Variants in NALCN observed in about 807,000 individuals in gnomAD.
NALCN encodes the protein sodium leak channel, non-selective.
In NALCN, 111 loss-of-function variants were observed where a neutral mutation model predicts 225.3. The ratio of observed to expected loss-of-function variants is 0.49; its 90% CI spans 0.42 to 0.58. The LOEUF (loss-of-function observed/expected upper bound fraction) is 0.58, where lower values mean the gene tolerates loss of function less well. Among genes scored for constraint, NALCN ranks in the 20% least tolerant of loss-of-function variants. The probability of loss-of-function intolerance (pLI) is 0.00; values close to 1 mark genes in which losing one functional copy is unlikely to be tolerated. For missense variants in NALCN, 1,378 were observed against 2,202.4 expected (o/e 0.63, Z 7.49); for synonymous variants, 764 against 769.0 (o/e 0.99, Z 0.11).
intron 13 of NALCN, among the ~76,000 whole-genome samples, chr13:101,205,382 A>T (rs1047685853): frequency 4.6e-5 from 7 of 151,968 alleles, no homozygotes; most frequent in Non-Finnish European, 1.0e-4. Flanking sequence ...TATTTTAATA[A>T]TAAAAATATT....
At chr13:101,253,663 T>C (rs1252362447) in intron 11 of NALCN, among the ~76,000 whole-genome samples, 3 of 152,336 alleles carry the variant, frequency 2.0e-5, no homozygotes, top group East Asian at 3.9e-4. Flanking sequence ...TTTTAAATAA[T>C]TGAATATAAT....
intron 13 of NALCN, among the ~76,000 whole-genome samples, chr13:101,205,494 TC>T (rs2040276580): frequency 6.6e-6 from 1 of 152,142 alleles, no homozygotes; most frequent in Admixed American, 6.6e-5. Flanking sequence ...TGACAATCTT[TC>T]TTGCAGAGCA....
At chr13:101,314,055 G>C (rs534545895) in intron 7 of NALCN, among the ~76,000 whole-genome samples, 1 of 150,414 alleles carries the variant, frequency 6.6e-6, no homozygotes, top group Non-Finnish European at 1.5e-5. Context: ...GCAAACTATC[G>C]CAAGGACAAA....
intron 13 of NALCN, among the ~76,000 whole-genome samples, chr13:101,204,113 G>A (rs953376228): frequency 2.0e-5 from 3 of 152,174 alleles, no homozygotes; most frequent in Non-Finnish European, 4.4e-5. Flanking sequence ...TAAAGATTTT[G>A]TAGCTATTTT....
intron 11 of NALCN, among the ~76,000 whole-genome samples, chr13:101,252,920 C>T (rs536509481): frequency 5.9e-5 from 9 of 152,144 alleles, no homozygotes; most frequent in Non-Finnish European, 1.2e-4. Context: ...TTTTAATCTC[C>T]TGTGCTGTGC....
intron 18 of NALCN, 28 bp from the exon 19 acceptor site, chr13:101,111,254 A>G (rs1248651560): frequency 6.4e-7 from 1 of 1,563,962 alleles, no homozygotes; most frequent in Non-Finnish European, 8.7e-7. Flanking sequence ...GCCCAAGATA[A>G]ATGCATGGTT....
At chr13:101,183,923 G>A (rs2039345755) in intron 14 of NALCN, among the ~76,000 whole-genome samples, 1 of 152,062 alleles carries the variant, frequency 6.6e-6, no homozygotes, top group African/African-American at 2.4e-5. Flanking sequence ...GTACAATGCT[G>A]TAAAAAAGAA....
At chr13:101,074,097 A>G (rs530141207) in intron 36 of NALCN, among the ~76,000 whole-genome samples, 1 of 152,212 alleles carries the variant, frequency 6.6e-6, no homozygotes, top group Non-Finnish European at 1.5e-5. Flanking sequence ...ACTGCTTTTC[A>G]TATATTACAA....
At chr13:101,380,208 A>C (rs2139431778) in intron 3 of NALCN, among the ~76,000 whole-genome samples, 1 of 151,866 alleles carries the variant, frequency 6.6e-6, no homozygotes, top group Middle Eastern at 3.4e-3. Flanking sequence ...CTTGGACCAC[A>C]GTGTAATAAA....
Position 101,323,543 on chromosome 13 carries a change from C to A in NALCN, c.799+21723G>T, listed in dbSNP as rs549973297. Among the ~76,000 whole-genome samples the A allele has an allele frequency of 4.6e-5, 7 of 152,114 alleles. 1 individual carries two copies. The South Asian group carries it at 1.4e-3, about 32-fold the overall frequency. On this transcript the variant is annotated intron_variant, in intron 7 of 43. Coordinates refer to ENST00000251127, the MANE Select transcript of NALCN (RefSeq NM_052867.4). ...ATTTTAATATTGTATTTCCTCAGTG[C>A]ATGATTATTATTTTACAGTCAATAA...
chr13:101,308,691 G>A (rs988135399), intron 7 of NALCN, among the ~76,000 whole-genome samples: 1 of 152,144 alleles, frequency 6.6e-6, no homozygotes, highest in African/African-American at 2.4e-5. Context: ...TGTCTGTTTG[G>A]AAAAAATATG....
In NALCN at chr13:101,177,420, T is replaced by TATAC. The variant is rs1286934876; in HGVS notation, c.1765-1047_1765-1046insGTAT. On this transcript the variant is annotated intron_variant, in intron 14 of 43. Transcript: ENST00000251127. ...AACAGTAAATACGAGTATATATATA[T>TATAC]ATATATATATATGGTAGAAGCTCAA... is the stretch of plus-strand genomic sequence containing the variant. 1.3e-3 allele frequency among the ~76,000 whole-genome samples: 187 copies of TATAC among 142,384 alleles called. 2 individuals are homozygous for TATAC. Among genetic ancestry groups the TATAC allele is most frequent in the African/African-American group, 4.4e-3 (179 of 40,504 alleles). The allele number at this position is 142,384 out of a possible 152,430, so 93.4% of individuals were successfully genotyped here. A position where few individuals can be genotyped will look rare whatever the true frequency, so the allele number is the denominator to read the frequency against.
intron 7 of NALCN, among the ~76,000 whole-genome samples, chr13:101,344,863 G>A (rs1002550785): frequency 1.3e-5 from 2 of 152,038 alleles, no homozygotes; most frequent in Non-Finnish European, 2.9e-5. Flanking sequence ...TCAATACCTA[G>A]TATTACAGTT....
chr13:101,070,302 G>A (rs1198554629), intron 37 of NALCN, among the ~76,000 whole-genome samples: 30 of 151,918 alleles, frequency 2.0e-4, no homozygotes, highest in Admixed American at 1.8e-3. Context: ...TCCTGACCTC[G>A]TGATCCACCC....
At position 101,241,111 on chromosome 13, in the gene NALCN, A is replaced by G. The variant is rs556993297; in HGVS notation, c.1267-3189T>C. Among the ~76,000 whole-genome samples the G allele has an allele frequency of 6.6e-5, 10 of 152,330 alleles. No homozygotes were observed. The East Asian group carries it at 1.5e-3, about 24-fold the overall frequency. ...AGACAGAAAGCACCAGGAAACCCACATGGGCACAGGCCTTTTGGTGATGGT... is the reference window on the plus strand; with the variant it reads ...AGACAGAAAGCACCAGGAAACCCACGTGGGCACAGGCCTTTTGGTGATGGT... On this transcript the variant is annotated intron_variant, in intron 11 of 43. Coordinates refer to ENST00000251127, the MANE Select transcript of NALCN (RefSeq NM_052867.4).
chr13:101,091,843 C>T (rs1196946025), intron 28 of NALCN, among the ~76,000 whole-genome samples: 1 of 152,062 alleles, frequency 6.6e-6, no homozygotes, highest in Admixed American at 6.5e-5. Context: ...TGTTCTAGAT[C>T]TTCTAGAAGT....
At chr13:101,290,109 C>A (rs2043496416) in intron 9 of NALCN, among the ~76,000 whole-genome samples, 1 of 152,184 alleles carries the variant, frequency 6.6e-6, no homozygotes, top group Non-Finnish European at 1.5e-5. Context: ...CTCTGAATTA[C>A]CAATTTATTC....
chr13:101,193,356 T>C (rs2039759509), intron 13 of NALCN, among the ~76,000 whole-genome samples: 1 of 152,172 alleles, frequency 6.6e-6, no homozygotes, highest in African/African-American at 2.4e-5. Context: ...GCGACCTAAC[T>C]GTAATTTCCT....
At chr13:101,203,745 T>G (rs2040214800) in intron 13 of NALCN, among the ~76,000 whole-genome samples, 1 of 152,226 alleles carries the variant, frequency 6.6e-6, no homozygotes, top group Non-Finnish European at 1.5e-5. Flanking sequence ...TATAATCTAT[T>G]AACTGTTAAT....
Sources: allele counts gnomAD v4.1 joint callset (sites outside exome capture counted in the v4.1 genomes callset), GRCh38; gene constraint gnomAD v4.1.1; transcripts MANE v1.5; gene names NCBI Gene and HGNC (gene_info 2026-07-23, HGNC 2026-07-21).